The following ADGRL2 variants were observed in gnomAD, a reference collection of about 807,000 sequenced individuals.
ADGRL2 encodes calcium-independent alpha-latrotoxin receptor 2.
A neutral mutation model predicts 157.4 loss-of-function variants in ADGRL2; 44 were observed. The ratio of observed to expected loss-of-function variants is 0.28; its 90% confidence interval spans 0.22 to 0.36. ADGRL2 has a LOEUF of 0.36. Ranked by LOEUF, ADGRL2 falls within the 10% of genes least tolerant of loss-of-function variation. The pLI is 1.00. For missense variants in ADGRL2, 1,510 were observed against 1,768.9 expected (o/e 0.85, Z 2.63); for synonymous variants, 585 against 624.7 (o/e 0.94, Z 0.95).
intron 11 of ADGRL2, among the ~76,000 whole-genome samples, chr1:81,958,214 G>A (rs1314040068): frequency 1.3e-5 from 2 of 151,686 alleles, no homozygotes; most frequent in Non-Finnish European, 2.9e-5. Flanking sequence ...CCGTGATCAC[G>A]CCATTGCACT....
chr1:81,659,887 G>A (rs754905149), intron 3 of ADGRL2, among the ~76,000 whole-genome samples: 30 of 152,242 alleles, frequency 2.0e-4, no homozygotes, highest in Admixed American at 1.7e-3. Flanking sequence ...TGAAAAAACA[G>A]AGCTTCATAG....
At chr1:81,552,424 G>A (rs1007124940) in intron 2 of ADGRL2, among the ~76,000 whole-genome samples, 14 of 151,936 alleles carry the variant, frequency 9.2e-5, no homozygotes, top group African/African-American at 3.4e-4. Flanking sequence ...GAATGTGGTG[G>A]AAATGCAGCA....
intron 3 of ADGRL2, among the ~76,000 whole-genome samples, chr1:81,637,002 AT>A (rs2082127792): frequency 6.6e-6 from 1 of 152,012 alleles, no homozygotes; most frequent in South Asian, 2.1e-4. Context: ...CATCTGGCTA[AT>A]TTTTGAATTT....
chr1:81,513,911 A>G (rs1047642839), intron 2 of ADGRL2: 3 of 152,150 alleles, frequency 2.0e-5, no homozygotes, highest in Non-Finnish European at 4.4e-5. Context: ...ATTTTAGCTT[A>G]TTTATCCCCC....
At chr1:81,377,377 C>T (rs1557640705) in intron 1 of ADGRL2, among the ~76,000 whole-genome samples, 1 of 152,052 alleles carries the variant, frequency 6.6e-6, no homozygotes, top group African/African-American at 2.4e-5. Flanking sequence ...GTAAATGGTA[C>T]TATCATGATC....
At chr1:81,650,042 T>C (rs1389923975) in intron 3 of ADGRL2, among the ~76,000 whole-genome samples, 1 of 142,112 alleles carries the variant, frequency 7.0e-6, no homozygotes, top group African/African-American at 2.6e-5. Flanking sequence ...GATAAAAGTA[T>C]GGCACCTATT....
chr1:81,588,220 GGTAA>G (rs1326728831), intron 3 of ADGRL2: 2 of 152,130 alleles, frequency 1.3e-5, no homozygotes, highest in East Asian at 3.9e-4. Flanking sequence ...ATAATTCTCA[GGTAA>G]GTTAGCTTGG....
chr1:81,338,792 A>G (rs1661840187), intron 1 of ADGRL2, among the ~76,000 whole-genome samples: 1 of 152,158 alleles, frequency 6.6e-6, no homozygotes, highest in South Asian at 2.1e-4. Context: ...ACAACCCAGA[A>G]ACTGAACCCG....
At chr1:81,657,128 T>C (rs1273564624) in intron 3 of ADGRL2, among the ~76,000 whole-genome samples, 4 of 152,134 alleles carry the variant, frequency 2.6e-5, no homozygotes, top group Non-Finnish European at 4.4e-5. Flanking sequence ...CATGGTGCTA[T>C]GGTCTAAATA....
chr1:81,748,530 C>T (rs2085385482), intron 1 of ADGRL2, among the ~76,000 whole-genome samples: 1 of 149,854 alleles, frequency 6.7e-6, no homozygotes, highest in Non-Finnish European at 1.5e-5. Flanking sequence ...GAGTTTTGAC[C>T]ATATCTGCAA....
intron 2 of ADGRL2, among the ~76,000 whole-genome samples, chr1:81,479,172 TA>T (rs199715840): frequency 0.052 from 7,886 of 152,188 alleles, 246 homozygotes; most frequent in Admixed American, 0.088. Flanking sequence ...TTTTCTTTTT[TA>T]AAAAATTTCT....
chr1:81,375,340 C>T (rs555666910), intron 1 of ADGRL2, among the ~76,000 whole-genome samples: 72 of 152,076 alleles, frequency 4.7e-4, no homozygotes, highest in Non-Finnish European at 9.1e-4. Context: ...TGAAGTGGAG[C>T]GGTAAAGCAG....
chr1:81,926,076 C>G (rs1306271448), intron 3 of ADGRL2, among the ~76,000 whole-genome samples: 1 of 151,762 alleles, frequency 6.6e-6, no homozygotes, highest in African/African-American at 2.4e-5. Flanking sequence ...ATTAACAGAC[C>G]AGAAAAGCCA....
chr1:81,690,448 A>T lies in ADGRL2; in HGVS notation c.-142-71363A>T, dbSNP rs959582957. Among the ~76,000 whole-genome samples, 8 of 152,194 alleles carry T rather than the reference A, an allele frequency of 5.3e-5. No individual in the cohort carries two copies. The East Asian group carries it at 1.5e-3, about 29-fold the overall frequency. On this transcript the variant is annotated intron_variant, in intron 3 of 24. Coordinates refer to the ADGRL2 transcript ENST00000370721. ...GAGGTGGAGATTGCGGTGAGCCAAG[A>T]TCTCACCACTGCACTCCAGCCTGGG...
At chr1:81,666,279 T>C (rs2082748793) in intron 3 of ADGRL2, among the ~76,000 whole-genome samples, 1 of 152,230 alleles carries the variant, frequency 6.6e-6, no homozygotes, top group Admixed American at 6.5e-5. Flanking sequence ...CAGACATTTA[T>C]AAAGGTTCGT....
chr1:81,716,547 C>T (rs1170203813), intron 1 of ADGRL2, among the ~76,000 whole-genome samples: 1 of 152,140 alleles, frequency 6.6e-6, no homozygotes, highest in East Asian at 1.9e-4. Flanking sequence ...TCTCTACCTT[C>T]TCTTCCCTGT....
chr1:81,377,129 G>C (rs1476521773), intron 1 of ADGRL2, among the ~76,000 whole-genome samples: 1 of 152,122 alleles, frequency 6.6e-6, no homozygotes, highest in East Asian at 1.9e-4. Context: ...CCAGGAGTTT[G>C]AGGCCACTGC....
intron 3 of ADGRL2, among the ~76,000 whole-genome samples, chr1:81,590,073 G>A (rs570558984): frequency 6.6e-6 from 1 of 152,246 alleles, no homozygotes; most frequent in South Asian, 2.1e-4. Flanking sequence ...CTTTGTTCCA[G>A]TGTGCAGTTT....
chr1:81,941,850 T>C (rs182638658), intron 4 of ADGRL2, among the ~76,000 whole-genome samples, 184 bp from the exon 5 acceptor site: 19 of 152,020 alleles, frequency 1.2e-4, no homozygotes, highest in Admixed American at 1.2e-3. Flanking sequence ...AACTTTAGAA[T>C]CTTTCTCCTG....
Sources: gnomAD v4.1 joint callset for allele counts (sites outside exome capture counted in the v4.1 genomes callset) on GRCh38, gnomAD v4.1.1 for gene constraint, MANE v1.5 for transcripts, NCBI Gene and HGNC (gene_info 2026-07-23, HGNC 2026-07-21) for gene names.